AMZ2: variants seen among roughly 807,000 people sequenced by gnomAD.
AMZ2 encodes the protein archaelysin family metallopeptidase 2.
AMZ2 carries 26 observed loss-of-function variants against 36.7 expected under a neutral mutation model. The observed-to-expected ratio is 0.71, with a 90% CI of 0.52 to 0.98. The LOEUF (loss-of-function observed/expected upper bound fraction) is 0.98. AMZ2 is among the 50% of genes least tolerant of loss of function. AMZ2 has a pLI of 0.00. For missense variants in AMZ2, 394 were observed against 430.5 expected (o/e 0.92, Z 0.75); for synonymous variants, 144 against 149.1 (o/e 0.97, Z 0.25).
chr17:68,253,011 C>A (rs1483988032), intron 4 of AMZ2, among the ~76,000 whole-genome samples: 1 of 152,060 alleles, frequency 6.6e-6, no homozygotes, highest in Admixed American at 6.6e-5. Context: ...TAGACAGTGA[C>A]AATATCTTAA....
intron 1 of AMZ2, chr17:68,249,835 C>T (rs1466866074): frequency 1.3e-5 from 3 of 231,934 alleles, no homozygotes; most frequent in African/African-American, 2.3e-5. Context: ...TTTGTAGAGA[C>T]AGGGTCTCAC....
chr17:68,247,537 C>T (rs1387383533), upstream of AMZ2: 6 of 785,696 alleles, frequency 7.6e-6, no homozygotes, highest in Non-Finnish European at 7.7e-6. Context: ...GCGCCCCACA[C>T]TTGCGCTTCT....
At chr17:68,254,643 C>G in intron 5 of AMZ2, 76 bp downstream of exon 5, 1 of 1,264,074 alleles carries the variant, frequency 7.9e-7, no homozygotes, top group Non-Finnish European at 1.1e-6. Context: ...ATTGTCAGTC[C>G]GTAAGGTAAT....
intron 1 of AMZ2, among the ~76,000 whole-genome samples, chr17:68,221,109 G>A (rs2073345159): frequency 6.6e-6 from 1 of 151,372 alleles, no homozygotes; most frequent in Non-Finnish European, 1.5e-5. Flanking sequence ...TTGAGGCAGA[G>A]TCTCGCTCTG....
At chr17:68,237,255 C>A (rs1332565812) in intron 1 of AMZ2, among the ~76,000 whole-genome samples, 1 of 152,132 alleles carries the variant, frequency 6.6e-6, no homozygotes, top group African/African-American at 2.4e-5. Flanking sequence ...AAAATGTGCA[C>A]CACGAAAAAG....
chr17:68,251,231 G>C (rs1303673625), intron 4 of AMZ2, 53 bp downstream of exon 4: 2 of 1,561,488 alleles, frequency 1.3e-6, no homozygotes, highest in African/African-American at 2.8e-5. Flanking sequence ...GAGAATATTT[G>C]AAGATGTTAG....
intron 1 of AMZ2, among the ~76,000 whole-genome samples, chr17:68,230,372 C>G (rs1555730938): frequency 6.6e-6 from 1 of 152,246 alleles, no homozygotes; most frequent in Non-Finnish European, 1.5e-5. Flanking sequence ...CTGTGTCCGG[C>G]CTCCTGCCCT....
At chr17:68,223,475 G>C (rs1473863319) in intron 1 of AMZ2, among the ~76,000 whole-genome samples, 9 of 152,208 alleles carry the variant, frequency 5.9e-5, no homozygotes, top group African/African-American at 2.2e-4. Context: ...GCTGATTCCA[G>C]CATAAGACAT....
At chr17:68,237,476 G>T (rs2073814662) in intron 1 of AMZ2, among the ~76,000 whole-genome samples, 1 of 152,318 alleles carries the variant, frequency 6.6e-6, no homozygotes, top group East Asian at 1.9e-4. Flanking sequence ...TCTCTTTTCA[G>T]TTCCTCCTGC....
intron 1 of AMZ2, among the ~76,000 whole-genome samples, chr17:68,233,934 A>G (rs540307655): frequency 1.3e-4 from 20 of 152,102 alleles, no homozygotes; most frequent in Admixed American, 2.0e-4. Context: ...GTGACACTCA[A>G]TGTCAATAAG....
chr17:68,211,694 A>ATATATGTATATATG (rs1811149987), intron 1 of AMZ2, among the ~76,000 whole-genome samples: 2 of 133,638 alleles, frequency 1.5e-5, no homozygotes, highest in Non-Finnish European at 1.7e-5. Context: ...GTATATGTAT[A>ATATATGTATATATG]TATATGTATA....
intron 1 of AMZ2, among the ~76,000 whole-genome samples, chr17:68,208,811 G>T (rs782695327): frequency 1.7e-4 from 26 of 151,672 alleles, no homozygotes; most frequent in Non-Finnish European, 2.8e-4. Flanking sequence ...GTCGCCTTAA[G>T]AGCGGTAACA....
intron 1 of AMZ2, among the ~76,000 whole-genome samples, chr17:68,221,226 C>CCCA (rs2073356903): frequency 8.8e-6 from 1 of 113,186 alleles, no homozygotes; most frequent in Admixed American, 8.7e-5. Context: ...CCCGCCCCCC[C>CCCA]GGTAGCTAGG....
chr17:68,210,156 C>A (rs1338712763), intron 1 of AMZ2, among the ~76,000 whole-genome samples: 1 of 152,118 alleles, frequency 6.6e-6, no homozygotes, highest in African/African-American at 2.4e-5. Flanking sequence ...CTTAGAGCTA[C>A]TATATGACCC....
chr17:68,246,195 CAAAAAAAAAAAAAA>C (rs57477453), upstream of AMZ2, among the ~76,000 whole-genome samples: 1 of 83,848 alleles, frequency 1.2e-5, no homozygotes, highest in Non-Finnish European at 2.2e-5. Flanking sequence ...ACTAAAAATA[CAAAAAAAAAAAAAA>C]AAAAAAAAAT....
In AMZ2 at chr17:68,255,877, G is replaced by A. The variant is rs1568387002; in HGVS notation, c.927+1G>A. On this transcript the variant is annotated splice_donor_variant, in intron 6 of 6. Transcript: ENST00000359904. LOFTEE classifies it high-confidence loss of function. ...CTTCAGCATTGTAGAAAGATACAAA[G>A]TAAGTTGGGGGGTGGACAGTCTAAA... The A allele has an allele frequency of 1.2e-6, 2 of 1,613,744 alleles. No homozygotes were observed.
At chr17:68,217,277 TTC>T (rs1555727524) in intron 1 of AMZ2, among the ~76,000 whole-genome samples, 1 of 152,190 alleles carries the variant, frequency 6.6e-6, no homozygotes, top group Non-Finnish European at 1.5e-5. Context: ...AAATCAAATA[TTC>T]TGTTTTTCTT....
upstream of AMZ2, among the ~76,000 whole-genome samples, chr17:68,245,712 TAC>T (rs2073987085): frequency 6.6e-6 from 1 of 152,208 alleles, no homozygotes; most frequent in South Asian, 2.1e-4. Flanking sequence ...ATCTAGTGAA[TAC>T]CTTTTATGCT....
At chr17:68,209,633 T>TATATATATATGTATATATATATA (rs1555725395) in intron 1 of AMZ2, among the ~76,000 whole-genome samples, 1 of 78,860 alleles carries the variant, frequency 1.3e-5, no homozygotes, top group East Asian at 3.9e-4. Flanking sequence ...TATATATATA[T>TATATATATATGTATATATATATA]TTTTTTTTTT....
Sources: gnomAD v4.1 joint callset for allele counts (sites outside exome capture counted in the v4.1 genomes callset) on GRCh38, gnomAD v4.1.1 for gene constraint, MANE v1.5 for transcripts, NCBI Gene and HGNC (gene_info 2026-07-23, HGNC 2026-07-21) for gene names.